ZNF652: variants seen among roughly 807,000 people sequenced by gnomAD.
ZNF652 encodes the protein zinc finger protein 652.
A neutral mutation model predicts 45.2 loss-of-function variants in ZNF652; 16 were observed. The observed-to-expected ratio is 0.35, with a 90% confidence interval of 0.24 to 0.54. The LOEUF (loss-of-function observed/expected upper bound fraction) is 0.54. Ranked by LOEUF, ZNF652 falls within the 20% of genes least tolerant of loss-of-function variation. ZNF652 has a pLI of 0.91. For missense variants in ZNF652, 614 were observed against 765.6 expected (o/e 0.80, Z 2.34); for synonymous variants, 250 against 260.6 (o/e 0.96, Z 0.39).
At chr17:49,313,465 T>A (rs1020251249) in intron 2 of ZNF652, among the ~76,000 whole-genome samples, 18 of 152,284 alleles carry the variant, frequency 1.2e-4, no homozygotes, top group African/African-American at 3.1e-4. Flanking sequence ...CCAAGTTTTT[T>A]AATTTTTAAA....
In ZNF652 at chr17:49,292,842, G is replaced by A. The variant is rs2069421791; in HGVS notation, c.*5571C>T. Among the ~76,000 whole-genome samples the A allele has an allele frequency of 6.6e-6, 1 of 152,154 alleles. No individual in the cohort carries two copies. The highest frequency in any genetic ancestry group is 6.6e-5 in the Admixed American group (1 of 15,264). ...AAAAATGACATGGAGGAACAAAACA[G>A]AAATACGGTCAAAATTCTTGTCCAA... is the stretch of plus-strand genomic sequence containing the variant. On this transcript the variant is annotated 3_prime_UTR_variant, in exon 6 of 6. Coordinates refer to ENST00000430262, the MANE Select transcript of ZNF652 (RefSeq NM_001145365.3).
intron 1 of ZNF652, among the ~76,000 whole-genome samples, chr17:49,339,838 A>AT (rs1423987858): frequency 6.6e-6 from 1 of 152,198 alleles, no homozygotes; most frequent in Non-Finnish European, 1.5e-5. Context: ...AAGCCAAGAG[A>AT]TTCTTCTGCC....
chr17:49,325,902 ATTTTTG>A (rs2069951266), intron 1 of ZNF652, among the ~76,000 whole-genome samples: 2 of 152,052 alleles, frequency 1.3e-5, no homozygotes, highest in Non-Finnish European at 2.9e-5. Flanking sequence ...TGAAACATTT[ATTTTTG>A]TTTTTATTAG....
In ZNF652 at chr17:49,321,604, A is replaced by G. The variant is rs1266115966; in HGVS notation, c.-258-3621T>C. On this transcript the variant is annotated intron_variant, in intron 1 of 5. Transcript: ENST00000430262. ...GTTTTCAAAGCCACTGAGACCTTGC[A>G]TTGTTTATTACCACAGCATAATTTG... is the stretch of plus-strand genomic sequence containing the variant. Among the ~76,000 whole-genome samples the G allele has an allele frequency of 2.6e-5, 4 of 151,990 alleles. No individual in the cohort carries two copies. In the East Asian group the frequency reaches 7.7e-4, roughly 29 times the overall value.
intron 1 of ZNF652, among the ~76,000 whole-genome samples, chr17:49,329,854 C>A (rs983087393): frequency 1.3e-5 from 2 of 152,244 alleles, no homozygotes; most frequent in African/African-American, 2.4e-5. Flanking sequence ...ACAGTTTCTA[C>A]ATTTCCATAT....
At chr17:49,327,589 G>C (rs889849002) in intron 1 of ZNF652, among the ~76,000 whole-genome samples, 1 of 150,936 alleles carries the variant, frequency 6.6e-6, no homozygotes, top group African/African-American at 2.4e-5. Flanking sequence ...GAAAAATATA[G>C]CATAGCAGAC....
intron 1 of ZNF652, among the ~76,000 whole-genome samples, chr17:49,346,805 C>T (rs2070209932): frequency 6.6e-6 from 1 of 152,108 alleles, no homozygotes. Flanking sequence ...CCCTTGTGGG[C>T]AGGTAGCTCT....
chr17:49,341,121 G>A (rs576547395), intron 1 of ZNF652, among the ~76,000 whole-genome samples: 1 of 152,170 alleles, frequency 6.6e-6, no homozygotes, highest in African/African-American at 2.4e-5. Context: ...TGAAGCAGGA[G>A]AATCATTTGA....
chr17:49,315,038 GTTTGT>G (rs2069780254), intron 2 of ZNF652, among the ~76,000 whole-genome samples: 2 of 107,722 alleles, frequency 1.9e-5, no homozygotes, highest in Non-Finnish European at 3.8e-5. Context: ...GAGGGTTTTA[GTTTGT>G]TTTTTTTTTT....
intron 1 of ZNF652, among the ~76,000 whole-genome samples, chr17:49,338,525 T>G (rs971333724): frequency 6.6e-6 from 1 of 152,252 alleles, no homozygotes. Context: ...GTCTTGTTAC[T>G]TGTAAGGATA....
Position 49,317,566 on chromosome 17 carries a change from C to T in ZNF652, c.160G>A (p.Glu54Lys). The change falls in exon 2 of 6, where the codon GAA becomes AAA. Residue 54 changes from glutamate (E) to lysine (K), a missense_variant. Physicochemically the swap from Glu to Lys is moderately conservative, Grantham distance 56. Transcript: ENST00000430262. ...LDLSTKVYKR[E>K]SGSPYSVLVD... ...AACACAGAATAAGGACTTCCTGATT[C>T]CCTTTTGTACACTTTGGTGGACAGG... is the stretch of plus-strand genomic sequence containing the variant. The T allele has an allele frequency of 6.2e-7, 1 of 1,614,064 alleles. No homozygotes were observed. Among genetic ancestry groups the T allele is most frequent in the Non-Finnish European group, 8.5e-7 (1 of 1,179,990 alleles).
intron 1 of ZNF652, among the ~76,000 whole-genome samples, chr17:49,327,616 T>G (rs2069968809): frequency 6.7e-6 from 1 of 150,164 alleles, no homozygotes; most frequent in African/African-American, 2.4e-5. Context: ...CAGTGGCTCA[T>G]GCCTGTAATC....
chr17:49,307,648 A>T (rs2069650877), intron 5 of ZNF652, among the ~76,000 whole-genome samples: 1 of 151,158 alleles, frequency 6.6e-6, no homozygotes, highest in Admixed American at 6.6e-5. Flanking sequence ...GCTACTCAGG[A>T]GGTTGAAGCA....
chr17:49,326,176 G>GC (rs1242958562), intron 1 of ZNF652, among the ~76,000 whole-genome samples: 1 of 149,798 alleles, frequency 6.7e-6, no homozygotes, highest in African/African-American at 2.5e-5. Flanking sequence ...ACTGTGGGAG[G>GC]CCAAGGTGGG....
At chr17:49,337,390 ACT>A (rs2070098049) in intron 1 of ZNF652, among the ~76,000 whole-genome samples, 1 of 151,810 alleles carries the variant, frequency 6.6e-6, no homozygotes, top group Admixed American at 6.6e-5. Flanking sequence ...ATGCCCAACA[ACT>A]CTGTAGGTAG....
rs551054444 is a variant in ZNF652, at chr17:49,336,136, T to C, written c.-258-18153A>G. 2.0e-5 allele frequency among the ~76,000 whole-genome samples: 3 copies of C among 152,170 alleles called. No homozygotes were observed. The East Asian group carries it at 5.8e-4, about 29-fold the overall frequency. ...GCCTCCTGGGTTCAAGCAATTCTCC[T>C]GCCTCAGCCTCCTGAGTAGCTGGGA... is the stretch of plus-strand genomic sequence containing the variant. On this transcript the variant is annotated intron_variant, in intron 1 of 5. Coordinates refer to ENST00000430262, the MANE Select transcript of ZNF652 (RefSeq NM_001145365.3).
At chr17:49,330,721 C>T (rs1217755025) in intron 1 of ZNF652, among the ~76,000 whole-genome samples, 4 of 151,824 alleles carry the variant, frequency 2.6e-5, no homozygotes, top group Non-Finnish European at 4.4e-5. Context: ...GTATCTTGAT[C>T]GTTATTAACT....
intron 1 of ZNF652, among the ~76,000 whole-genome samples, chr17:49,352,884 G>T (rs2070297153): frequency 6.6e-6 from 1 of 152,154 alleles, no homozygotes; most frequent in African/African-American, 2.4e-5. Flanking sequence ...GTCTCTAAAG[G>T]TTACATACTA....
intron 5 of ZNF652, among the ~76,000 whole-genome samples, chr17:49,301,724 G>A (rs1188438163): frequency 2.0e-5 from 3 of 151,686 alleles, no homozygotes; most frequent in Non-Finnish European, 4.4e-5. Flanking sequence ...TCCTCTAACC[G>A]TCTTAAAAAC....
Sources: allele counts gnomAD v4.1 joint callset (sites outside exome capture counted in the v4.1 genomes callset), GRCh38; gene constraint gnomAD v4.1.1; transcripts MANE v1.5; gene names NCBI Gene and HGNC (gene_info 2026-07-23, HGNC 2026-07-21).